Variants in ATAD2B observed in about 807,000 individuals in gnomAD.
ATAD2B encodes ATPase family AAA domain-containing protein 2B.
ATAD2B carries 40 observed loss-of-function variants against 167.6 expected under a neutral mutation model. The ratio of observed to expected loss-of-function variants is 0.24; its 90% CI spans 0.19 to 0.31. The LOEUF is 0.31. Ranked by LOEUF, ATAD2B falls within the 10% of genes least tolerant of loss-of-function variation. The pLI is 1.00. For synonymous variants in ATAD2B, 579 were observed against 596.5 expected (o/e 0.97, Z 0.43); for missense variants, 1,242 against 1,757.2 (o/e 0.71, Z 5.24).
At chr2:23,847,504 C>CA (rs796940786) in intron 13 of ATAD2B, among the ~76,000 whole-genome samples, 83 of 145,820 alleles carry the variant, frequency 5.7e-4, no homozygotes, top group African/African-American at 1.9e-3. Flanking sequence ...GACTCCATCT[C>CA]AAAAAAAAAA....
chr2:23,921,461 C>A (rs1191805586), intron 1 of ATAD2B, among the ~76,000 whole-genome samples: 1 of 152,036 alleles, frequency 6.6e-6, no homozygotes, highest in Admixed American at 6.6e-5. Flanking sequence ...CAGCTGGATT[C>A]CAGAAGTTAT....
At chr2:23,833,799 TA>T in intron 14 of ATAD2B, 119 bp downstream of exon 14, 1 of 788,002 alleles carries the variant, frequency 1.3e-6, no homozygotes, top group Non-Finnish European at 1.9e-6. Context: ...AAGCATTAGC[TA>T]AGATATCCTT....
At chr2:23,780,365 T>C (rs1435748655) in intron 22 of ATAD2B, among the ~76,000 whole-genome samples, 1 of 146,934 alleles carries the variant, frequency 6.8e-6, no homozygotes, top group Admixed American at 6.8e-5. Flanking sequence ...AAGAGGCAAA[T>C]AACATAAAGC....
At chr2:23,685,755 T>C in the ATAD2B span, among the ~76,000 whole-genome samples, 1 of 152,146 alleles carries the variant, frequency 6.6e-6, no homozygotes, top group South Asian at 2.1e-4. Context: ...GCATGTGGTC[T>C]GGGGTGAAGG....
rs1283016862 is a variant in ATAD2B at position 23,878,010 on chromosome 2, C to CAAAAAAAAA, written c.902-2107_902-2106insTTTTTTTTT. On this transcript the variant is annotated intron_variant, in intron 7 of 27. Transcript: ENST00000238789. ...ACTCCAGCCTGGATGACCCTATCTCCAAAGAAAAAAAAAAAAAAAAAAAAA... is the reference window on the plus strand; with the variant it reads ...ACTCCAGCCTGGATGACCCTATCTCCAAAAAAAAAAAAGAAAAAAAAAAAAAAAAAAAAA... Among the ~76,000 whole-genome samples, 134 of 28,598 alleles carry CAAAAAAAAA rather than the reference C, an allele frequency of 4.7e-3. 28 individuals are homozygous for CAAAAAAAAA. Among genetic ancestry groups the CAAAAAAAAA allele is most frequent in the East Asian group, 0.011 (8 of 756 alleles). The allele number at this position is 28,598 out of a possible 152,430, so 18.8% of individuals were successfully genotyped here. A position where few individuals can be genotyped will look rare whatever the true frequency, so the allele number is the denominator to read the frequency against.
chr2:23,691,969 G>A, the ATAD2B span: 6 of 1,278,352 alleles, frequency 4.7e-6, no homozygotes, highest in African/African-American at 4.4e-5. Context: ...GGAGGTCTGT[G>A]TGTGCACACC....
chr2:23,822,364 ATC>A (rs979722122), intron 16 of ATAD2B, among the ~76,000 whole-genome samples: 2 of 151,968 alleles, frequency 1.3e-5, no homozygotes, highest in African/African-American at 4.8e-5. Flanking sequence ...GTGAAACCCC[ATC>A]TCTACTAAAC....
At chr2:23,746,877 T>C (rs2149281070), downstream of ATAD2B, among the ~76,000 whole-genome samples, 1 of 152,254 alleles carries the variant, frequency 6.6e-6, no homozygotes, top group African/African-American at 2.4e-5. Flanking sequence ...AGCACCACAC[T>C]TTTAAAAAAT....
At chr2:23,807,885 A>C (rs950745537) in intron 18 of ATAD2B, among the ~76,000 whole-genome samples, 7 of 135,630 alleles carry the variant, frequency 5.2e-5, no homozygotes, top group African/African-American at 1.6e-4. Context: ...ATAAAAAATA[A>C]ATGTATATAA....
At chr2:23,771,109 T>A (rs1678259460) in intron 22 of ATAD2B, among the ~76,000 whole-genome samples, 1 of 152,218 alleles carries the variant, frequency 6.6e-6, no homozygotes, top group Non-Finnish European at 1.5e-5. Flanking sequence ...TCCTGTTTGT[T>A]GCTAGTATAT....
intron 1 of ATAD2B, among the ~76,000 whole-genome samples, chr2:23,915,730 T>C (rs967333387): frequency 2.0e-5 from 3 of 151,586 alleles, no homozygotes; most frequent in Admixed American, 1.3e-4. Flanking sequence ...TAGCTGGGAT[T>C]ACAAGCACGT....
intron 1 of ATAD2B, chr2:23,900,729 C>G (rs146743107): frequency 6.6e-6 from 1 of 152,334 alleles, no homozygotes; most frequent in East Asian, 1.9e-4. Flanking sequence ...GGGCCTGTCT[C>G]AATCGGCTCT....
At chr2:23,776,473 G>A (rs1043754992) in intron 22 of ATAD2B, among the ~76,000 whole-genome samples, 2 of 152,174 alleles carry the variant, frequency 1.3e-5, no homozygotes, top group Non-Finnish European at 2.9e-5. Flanking sequence ...GCCTTAAACA[G>A]GATTTATACA....
At chr2:23,739,459 A>G in the ATAD2B span, among the ~76,000 whole-genome samples, 3 of 152,228 alleles carry the variant, frequency 2.0e-5, no homozygotes, top group East Asian at 3.8e-4. Flanking sequence ...TACTGGGTAA[A>G]TAATGAAGTG....
chr2:23,747,317 A>AAT (rs920666061), downstream of ATAD2B, among the ~76,000 whole-genome samples: 15 of 151,046 alleles, frequency 9.9e-5, no homozygotes, highest in Admixed American at 3.3e-4. Flanking sequence ...ACATATGTGT[A>AAT]ATATATATAT....
At chr2:23,752,522 T>C (rs965021635) in intron 27 of ATAD2B, among the ~76,000 whole-genome samples, 8 of 150,778 alleles carry the variant, frequency 5.3e-5, no homozygotes, top group African/African-American at 1.9e-4. Context: ...ATATATATAG[T>C]TTTAACTCCC....
chr2:23,807,431 A>G (rs1299690698), intron 18 of ATAD2B, among the ~76,000 whole-genome samples: 1 of 152,208 alleles, frequency 6.6e-6, no homozygotes, highest in Non-Finnish European at 1.5e-5. Flanking sequence ...AAGACTGAAG[A>G]TAACAAACAA....
At chr2:23,889,827 G>A (rs144178245) in intron 2 of ATAD2B, among the ~76,000 whole-genome samples, 11,954 of 151,800 alleles carry the variant, frequency 0.079, 582 homozygotes, top group South Asian at 0.11. Context: ...GCTGAGGCAG[G>A]AGAATTGCTT....
chr2:23,740,736 C>T, the ATAD2B span, among the ~76,000 whole-genome samples: 3 of 152,164 alleles, frequency 2.0e-5, no homozygotes, highest in Admixed American at 1.3e-4. Flanking sequence ...AAAGGGCATT[C>T]GATTAGGAAA....
Sources: allele counts gnomAD v4.1 joint callset (sites outside exome capture counted in the v4.1 genomes callset), GRCh38; gene constraint gnomAD v4.1.1; transcripts MANE v1.5; gene names NCBI Gene and HGNC (gene_info 2026-07-23, HGNC 2026-07-21).